The following CFAP77 variants were observed in gnomAD, a reference collection of about 807,000 sequenced individuals.
The protein encoded by CFAP77 is cilia- and flagella-associated protein 77.
In CFAP77, 25 loss-of-function variants were observed where a neutral mutation model predicts 31.1. The observed-to-expected ratio is 0.80, with a 90% CI of 0.59 to 1.12. The LOEUF is 1.12. Ranked by LOEUF, CFAP77 falls within the 50% of genes most tolerant of loss-of-function variation. The pLI is 0.00. For synonymous variants in CFAP77, 151 were observed against 159.9 expected (o/e 0.94, Z 0.42); for missense variants, 377 against 397.3 (o/e 0.95, Z 0.44).
intron 3 of CFAP77, among the ~76,000 whole-genome samples, chr9:132,503,261 C>T (rs1442295349): frequency 1.3e-5 from 2 of 152,220 alleles, no homozygotes; most frequent in African/African-American, 2.4e-5. Context: ...TCTCAGCTCC[C>T]AACACATGTG....
At chr9:132,459,165 A>G (rs1036002241) in intron 1 of CFAP77, among the ~76,000 whole-genome samples, 3 of 149,036 alleles carry the variant, frequency 2.0e-5, no homozygotes, top group Non-Finnish European at 3.0e-5. Flanking sequence ...TCCGCCTCCC[A>G]GGTTCATGCC....
In CFAP77 at chr9:132,424,652, G is replaced by A. The variant is rs1233271240; in HGVS notation, c.195+14186G>A. Reference sequence around the variant, plus strand: ...TGGGATCAGGTGAGGACCGCTCAAGGAGCCTTCACTTTGGGTGTCACCACT... The same window carrying A: ...TGGGATCAGGTGAGGACCGCTCAAGAAGCCTTCACTTTGGGTGTCACCACT... On this transcript the variant is annotated intron_variant, in intron 1 of 5. Transcript: ENST00000393216. The surrounding 1 kb of genome is among the most constrained non-coding windows in gnomAD (Gnocchi z 4.1). Among the ~76,000 whole-genome samples, 1 of 152,212 alleles carries A rather than the reference G, an allele frequency of 6.6e-6. No individual in the cohort carries two copies. The highest frequency in any genetic ancestry group is 2.4e-5 in the African/African-American group (1 of 41,454).
chr9:132,428,561 G>A (rs547685018), intron 1 of CFAP77, among the ~76,000 whole-genome samples: 7 of 152,298 alleles, frequency 4.6e-5, no homozygotes, highest in African/African-American at 1.7e-4. Context: ...GTTGTAGTGA[G>A]CCAAGATTGC....
At chr9:132,469,172 C>T (rs140157497) in intron 1 of CFAP77, among the ~76,000 whole-genome samples, 109 of 152,184 alleles carry the variant, frequency 7.2e-4, no homozygotes, top group African/African-American at 2.2e-3. Context: ...TGTGAGAAGC[C>T]GGAGTACCAG....
intron 1 of CFAP77, among the ~76,000 whole-genome samples, chr9:132,440,040 C>T (rs1850589435): frequency 6.6e-6 from 1 of 152,002 alleles, no homozygotes; most frequent in Admixed American, 6.6e-5. Flanking sequence ...ATTATAACAT[C>T]ATCCTCAGCG....
At chr9:132,543,420 G>C (rs1852679921) in intron 5 of CFAP77, among the ~76,000 whole-genome samples, 1 of 152,000 alleles carries the variant, frequency 6.6e-6, no homozygotes, top group South Asian at 2.1e-4. Context: ...CCACCTGGAG[G>C]AGGCTGTCTA....
At chr9:132,518,035 G>A (rs1431535667) in intron 3 of CFAP77, among the ~76,000 whole-genome samples, 1 of 152,062 alleles carries the variant, frequency 6.6e-6, no homozygotes, top group African/African-American at 2.4e-5. Context: ...ACTTTTCTGG[G>A]GGGTTCCTGC....
chr9:132,426,351 C>T (rs1850311474), intron 1 of CFAP77, among the ~76,000 whole-genome samples: 1 of 152,216 alleles, frequency 6.6e-6, no homozygotes, highest in African/African-American at 2.4e-5. Flanking sequence ...TATTTCCTTG[C>T]ATGATCCCGA....
At chr9:132,487,519 A>G (rs978523266) in intron 1 of CFAP77, among the ~76,000 whole-genome samples, 3 of 152,198 alleles carry the variant, frequency 2.0e-5, no homozygotes, top group Non-Finnish European at 4.4e-5. Flanking sequence ...GCCCCCATCT[A>G]TAACCACACA....
chr9:132,571,308 G>A (rs921631255), intron 5 of CFAP77, among the ~76,000 whole-genome samples: 4 of 152,076 alleles, frequency 2.6e-5, no homozygotes, highest in African/African-American at 7.2e-5. Context: ...TTGGACCCCA[G>A]GGCCAGCAGC....
At chr9:132,434,942 G>GA (rs60706905) in intron 1 of CFAP77, among the ~76,000 whole-genome samples, 14,062 of 152,286 alleles carry the variant, frequency 0.092, 678 homozygotes, top group South Asian at 0.12. Context: ...TCCCAAGCCA[G>GA]AAAGGGCCTT....
rs1458578561 is a variant in CFAP77, at chr9:132,501,640, T to C, written c.524+2040T>C. ...CTGGTCTTGAACTCCTGGCCTCAGG[T>C]GATCCACCCGCCTTGGCCTCCCAAA... On this transcript the variant is annotated intron_variant, in intron 3 of 5. Transcript: ENST00000393216. The surrounding 1 kb of genome is among the most constrained non-coding windows in gnomAD (Gnocchi z 4.6). 6.6e-6 allele frequency among the ~76,000 whole-genome samples: 1 copy of C among 152,192 alleles called. No individual in the cohort carries two copies. Among genetic ancestry groups the C allele is most frequent in the East Asian group, 1.9e-4 (1 of 5,194 alleles).
At chr9:132,535,740 A>G (rs1285114355) in intron 3 of CFAP77, among the ~76,000 whole-genome samples, 3 of 151,906 alleles carry the variant, frequency 2.0e-5, no homozygotes, top group Non-Finnish European at 2.9e-5. Flanking sequence ...TAAATAAATA[A>G]ATAAATAAAG....
At chr9:132,438,199 C>CA (rs954482789) in intron 1 of CFAP77, among the ~76,000 whole-genome samples, 13,227 of 47,500 alleles carry the variant, frequency 0.28, 1,366 homozygotes, top group Admixed American at 0.33. Flanking sequence ...GAGACGCCAT[C>CA]AAAAAAAAAA....
intron 3 of CFAP77, among the ~76,000 whole-genome samples, chr9:132,535,532 C>A (rs977527127): frequency 3.9e-5 from 6 of 151,984 alleles, no homozygotes; most frequent in African/African-American, 9.7e-5. Context: ...GTCAACATAG[C>A]AAAACCCTGT....
intron 5 of CFAP77, among the ~76,000 whole-genome samples, chr9:132,560,731 T>C (rs1482352135): frequency 6.6e-6 from 1 of 152,122 alleles, no homozygotes. Flanking sequence ...TTCCTGAGCT[T>C]CAGTCTCCTC....
At chr9:132,515,112 C>T (rs1020357401) in intron 3 of CFAP77, among the ~76,000 whole-genome samples, 2 of 152,198 alleles carry the variant, frequency 1.3e-5, no homozygotes, top group Non-Finnish European at 2.9e-5. Flanking sequence ...GTGGGGGAGG[C>T]ACCCTTGTTA....
chr9:132,410,474 C>T lies in CFAP77; in HGVS notation c.195+8C>T, dbSNP rs777309168. ...AACCCTCTCATCGTCAAGGTGAGCA[C>T]CCCACGCCCACCGCGCTTTCGCTGT... is the stretch of plus-strand genomic sequence containing the variant. On this transcript the variant is annotated splice_region_variant and intron_variant, in intron 1 of 5. Transcript: ENST00000393216. 10 of 1,551,270 alleles carry T rather than the reference C, an allele frequency of 6.4e-6. No individual in the cohort carries two copies. The East Asian group carries it at 1.8e-4, about 28-fold the overall frequency.
At chr9:132,438,541 A>ATATATATATATATATATTTTTTT in intron 1 of CFAP77, among the ~76,000 whole-genome samples, 2 of 108,154 alleles carry the variant, frequency 1.8e-5, no homozygotes, top group African/African-American at 4.1e-5. Context: ...ATATATATAT[A>ATATATATATATATATATTTTTTT]TTTTTTTTTT....
Sources: allele counts gnomAD v4.1 joint callset (sites outside exome capture counted in the v4.1 genomes callset), GRCh38; gene constraint gnomAD v4.1.1; non-coding constraint Gnocchi (gnomAD v3.1); transcripts MANE v1.5; gene names NCBI Gene and HGNC (gene_info 2026-07-23, HGNC 2026-07-21).